The following MID1 variants were observed in gnomAD, a reference collection of about 807,000 sequenced individuals.
MID1 encodes E3 ubiquitin-protein ligase Midline-1.
MID1 carries 7 observed loss-of-function variants against 40.4 expected under a neutral mutation model. The observed-to-expected ratio is 0.17, with a 90% CI of 0.10 to 0.33. The LOEUF (loss-of-function observed/expected upper bound fraction) is 0.33. MID1 is among the 10% of genes least tolerant of loss of function. The pLI, the probability that MID1 is intolerant of heterozygous loss-of-function variation, is 1.00. For synonymous variants in MID1, 229 were observed against 221.2 expected (o/e 1.04, Z -0.31); for missense variants, 367 against 558.5 (o/e 0.66, Z 3.46).
intron 7 of MID1, among the ~76,000 whole-genome samples, chrX:10,464,176 T>C (rs1431963584): frequency 8.9e-6 from 1 of 112,388 alleles, no homozygotes; most frequent in Non-Finnish European, 1.9e-5. Flanking sequence ...AACTGGTTTC[T>C]GGGAACAAAA....
At chrX:10,453,633 C>T (rs371268172) in intron 9 of MID1, among the ~76,000 whole-genome samples, 71 of 112,300 alleles carry the variant, frequency 6.3e-4, no homozygotes, top group African/African-American at 2.0e-3. Flanking sequence ...TTTATTGGAA[C>T]GCAGCCATGT....
chrX:10,585,981 G>A (rs1049857217), intron 1 of MID1, among the ~76,000 whole-genome samples: 3 of 111,006 alleles, frequency 2.7e-5, no homozygotes, highest in African/African-American at 3.3e-5. Flanking sequence ...TATCGTTTAT[G>A]AGCCTCCACC....
chrX:10,480,848 T>C, intron 5 of MID1, among the ~76,000 whole-genome samples: 1 of 112,049 alleles, frequency 8.9e-6, no homozygotes, highest in Admixed American at 9.5e-5. Context: ...AGACCAGAGT[T>C]GTAAAAACAC....
chrX:10,703,926 C>T (rs745933948), intron 1 of MID1, among the ~76,000 whole-genome samples: 2 of 112,043 alleles, frequency 1.8e-5, no homozygotes, highest in South Asian at 7.4e-4. Context: ...ATGCCAATTC[C>T]GTTTCATCTC....
intron 2 of MID1, among the ~76,000 whole-genome samples, chrX:10,562,299 T>C (rs1416951578): frequency 2.1e-5 from 2 of 96,879 alleles, no homozygotes; most frequent in East Asian, 6.1e-4. Context: ...GATGGGTTGA[T>C]AGGTGCAGCA....
chrX:10,658,793 T>C (rs1428898134), intron 1 of MID1, among the ~76,000 whole-genome samples: 1 of 111,552 alleles, frequency 9.0e-6, no homozygotes, highest in Non-Finnish European at 1.9e-5. Context: ...GGTGTTTCTC[T>C]TGAGACTTCT....
chrX:10,499,832 T>C, intron 3 of MID1, among the ~76,000 whole-genome samples: 1 of 112,566 alleles, frequency 8.9e-6, no homozygotes, highest in Non-Finnish European at 1.9e-5. Flanking sequence ...AACCCACTGC[T>C]AATTCTAGAG....
intron 5 of MID1, among the ~76,000 whole-genome samples, chrX:10,477,781 T>A (rs1398817050): frequency 1.8e-5 from 2 of 112,076 alleles, no homozygotes; most frequent in Non-Finnish European, 3.8e-5. Context: ...ATCACCAAAG[T>A]AAAACCCAGT....
At chrX:10,717,719 C>G (rs7066383) in intron 1 of MID1, among the ~76,000 whole-genome samples, 10,280 of 109,279 alleles carry the variant, frequency 0.094, 768 homozygotes, top group African/African-American at 0.25. Flanking sequence ...ACAGAACTCT[C>G]CACCCCAAAT....
intron 1 of MID1, among the ~76,000 whole-genome samples, chrX:10,598,282 T>C (rs1330094622): frequency 1.8e-5 from 2 of 111,947 alleles, no homozygotes; most frequent in African/African-American, 3.2e-5. Flanking sequence ...CCTTTAACCC[T>C]AGGAAAGGGT....
chrX:10,512,061 T>C (rs1326873826), intron 3 of MID1, among the ~76,000 whole-genome samples: 1 of 112,428 alleles, frequency 8.9e-6, no homozygotes, highest in Non-Finnish European at 1.9e-5. Context: ...TTCATCTTTA[T>C]ACATGAATCT....
Position 10,590,034 on chromosome X carries a change from G to C in MID1, c.-56-22431C>G, listed in dbSNP as rs191168070. On this transcript the variant is annotated intron_variant, in intron 1 of 9. Coordinates refer to ENST00000317552, the MANE Select transcript of MID1 (RefSeq NM_000381.4). ...GGGTCCACGTAAGAGGGTTGTGATCGATTGAGCAAGCAGGGGGTACGTGAC... is the reference window on the plus strand; with the variant it reads ...GGGTCCACGTAAGAGGGTTGTGATCCATTGAGCAAGCAGGGGGTACGTGAC... 7.2e-5 allele frequency: 8 copies of C among 111,128 alleles called. No individual in the cohort carries two copies. In the South Asian group the frequency reaches 2.8e-3, roughly 39 times the overall value. The allele number at this position is 111,128 out of a possible 1,213,427, so 9.2% of individuals were successfully genotyped here.
chrX:10,623,083 C>CAA (rs763054366), upstream of MID1, among the ~76,000 whole-genome samples: 62 of 32,505 alleles, frequency 1.9e-3, no homozygotes, highest in African/African-American at 4.7e-3. Context: ...GCTGTCTCTA[C>CAA]AAAAAAAAAA....
At chrX:10,810,747 G>T (rs2044093067) in intron 1 of MID1, among the ~76,000 whole-genome samples, 1 of 107,959 alleles carries the variant, frequency 9.3e-6, no homozygotes, top group Non-Finnish European at 1.9e-5. Flanking sequence ...CATGCCATTG[G>T]GTGTGAAGTG....
intron 2 of MID1, among the ~76,000 whole-genome samples, chrX:10,540,766 A>G (rs966793959): frequency 4.5e-5 from 5 of 112,041 alleles, no homozygotes; most frequent in Non-Finnish European, 9.4e-5. Context: ...CCTTAAAAGG[A>G]AAGCATCCTT....
intron 5 of MID1, among the ~76,000 whole-genome samples, chrX:10,481,978 T>C (rs1190620319): frequency 5.4e-5 from 6 of 111,880 alleles, no homozygotes; most frequent in African/African-American, 1.6e-4. Flanking sequence ...CCTGCGTGAG[T>C]TGGCCTTGAC....
chrX:10,479,061 C>T (rs971546958), intron 5 of MID1, among the ~76,000 whole-genome samples: 2 of 112,030 alleles, frequency 1.8e-5, no homozygotes, highest in Middle Eastern at 4.6e-3. Flanking sequence ...CATGTTGAAA[C>T]GTGAAAACAG....
chrX:10,577,796 A>C (rs1302675464), intron 1 of MID1, among the ~76,000 whole-genome samples: 2 of 106,372 alleles, frequency 1.9e-5, no homozygotes, highest in Non-Finnish European at 3.8e-5. Context: ...TTGATTGACT[A>C]AAGGAGGAAG....
At chrX:10,719,441 T>C (rs1277022209) in intron 1 of MID1, among the ~76,000 whole-genome samples, 1 of 110,607 alleles carries the variant, frequency 9.0e-6, no homozygotes, top group Non-Finnish European at 1.9e-5. Context: ...TGAACTCCCA[T>C]TCACAATTGC....
Sources: gnomAD v4.1 joint callset for allele counts (sites outside exome capture counted in the v4.1 genomes callset) on GRCh38, gnomAD v4.1.1 for gene constraint, MANE v1.5 for transcripts, NCBI Gene and HGNC (gene_info 2026-07-23, HGNC 2026-07-21) for gene names.